Variants in LPP observed in about 807,000 individuals in gnomAD.
LPP encodes LIM domain containing preferred translocation partner in lipoma.
A neutral mutation model predicts 60.4 loss-of-function variants in LPP; 38 were observed. The ratio of observed to expected loss-of-function variants is 0.63; its 90% CI spans 0.49 to 0.83. The LOEUF (loss-of-function observed/expected upper bound fraction) is 0.83, where lower values mean the gene tolerates loss of function less well. LPP is among the 40% of genes least tolerant of loss of function. The pLI, the probability that LPP is intolerant of heterozygous loss-of-function variation, is 0.00. For synonymous variants in LPP, 328 were observed against 290.8 expected, an observed-to-expected ratio of 1.13 and a Z score of -1.30; for missense variants, 902 against 783.6, an observed-to-expected ratio of 1.15 and a Z score of -1.80.
chr3:188,511,321 T>TCTCC (rs1457184744), intron 5 of LPP, among the ~76,000 whole-genome samples: 1 of 87,898 alleles, frequency 1.1e-5, no homozygotes, highest in Non-Finnish European at 2.2e-5. Flanking sequence ...CCCTCCCCTC[T>TCTCC]CTCCCTCCCT....
intron 3 of LPP, among the ~76,000 whole-genome samples, chr3:188,358,254 A>G (rs888150230): frequency 1.3e-5 from 2 of 152,220 alleles, no homozygotes; most frequent in African/African-American, 2.4e-5. Flanking sequence ...AAGCCAGGAT[A>G]TGAACTCAGG....
At chr3:188,294,867 C>G (rs1050607985) in intron 2 of LPP, among the ~76,000 whole-genome samples, 1 of 152,228 alleles carries the variant, frequency 6.6e-6, no homozygotes, top group African/African-American at 2.4e-5. Flanking sequence ...AAGGAACAAG[C>G]TCCCGCTTAG....
intron 9 of LPP, among the ~76,000 whole-genome samples, chr3:188,824,563 G>A (rs911112785): frequency 6.6e-6 from 1 of 151,886 alleles, no homozygotes; most frequent in African/African-American, 2.4e-5. Context: ...GTTTGGGGAT[G>A]GTATCACCTT....
chr3:188,392,842 C>G (rs144380073), intron 3 of LPP, among the ~76,000 whole-genome samples: 1 of 152,046 alleles, frequency 6.6e-6, no homozygotes, highest in Non-Finnish European at 1.5e-5. Context: ...GGCAACTGCA[C>G]GTGGAATTAA....
chr3:188,276,179 C>T (rs992524091), intron 2 of LPP, among the ~76,000 whole-genome samples: 4 of 152,174 alleles, frequency 2.6e-5, no homozygotes, highest in African/African-American at 9.7e-5. Flanking sequence ...CATTTTTGTC[C>T]TGTGTGTAAC....
At chr3:188,578,273 CTTCCT>C (rs947048165) in intron 6 of LPP, among the ~76,000 whole-genome samples, 2 of 151,934 alleles carry the variant, frequency 1.3e-5, no homozygotes, top group Non-Finnish European at 2.9e-5. Context: ...CTTTCCTTCT[CTTCCT>C]TTCCTTTTTT....
intron 2 of LPP, among the ~76,000 whole-genome samples, chr3:188,310,631 C>T (rs920659237): frequency 6.6e-6 from 1 of 152,106 alleles, no homozygotes; most frequent in African/African-American, 2.4e-5. Flanking sequence ...TAGATGGCCT[C>T]CACTGTGAAA....
chr3:188,216,049 T>G (rs1473454240), intron 1 of LPP, among the ~76,000 whole-genome samples: 1 of 152,186 alleles, frequency 6.6e-6, no homozygotes, highest in African/African-American at 2.4e-5. Flanking sequence ...TATCCCTTTC[T>G]CCTTTCTTTG....
intron 5 of LPP, among the ~76,000 whole-genome samples, chr3:188,523,164 C>T (rs1319803898): frequency 6.6e-6 from 1 of 151,978 alleles, no homozygotes; most frequent in Non-Finnish European, 1.5e-5. Flanking sequence ...GCCTTGGCCT[C>T]GAAACCTGCT....
chr3:188,326,792 A>G (rs1758546809), intron 2 of LPP, among the ~76,000 whole-genome samples: 1 of 151,822 alleles, frequency 6.6e-6, no homozygotes, highest in Non-Finnish European at 1.5e-5. Flanking sequence ...AAAATTATAT[A>G]TCATGGAGAT....
intron 9 of LPP, among the ~76,000 whole-genome samples, chr3:188,805,224 A>C (rs918737141): frequency 6.6e-6 from 1 of 151,998 alleles, no homozygotes; most frequent in Non-Finnish European, 1.5e-5. Flanking sequence ...GGAATTGATG[A>C]GTTCCTTCCT....
intron 3 of LPP, among the ~76,000 whole-genome samples, chr3:188,374,614 G>A (rs894757753): frequency 1.2e-4 from 19 of 152,282 alleles, no homozygotes; most frequent in Non-Finnish European, 2.1e-4. Flanking sequence ...GGGCTGAGAT[G>A]ATGGGGTTTT....
At chr3:188,613,472 G>A (rs992240682) in intron 7 of LPP, among the ~76,000 whole-genome samples, 6 of 151,942 alleles carry the variant, frequency 3.9e-5, no homozygotes, top group Admixed American at 6.6e-5. Context: ...ACTCATCTCC[G>A]TCAGCCTCAG....
chr3:188,766,378 C>CAAAAAAAAAAAAAAAA lies in LPP; in HGVS notation c.1410+6106_1410+6107insAAAAAAAAAAAAAAAA, dbSNP rs142374028. ...CTTGAGCATTTGAGGCCTTAAAAAG[C>CAAAAAAAAAAAAAAAA]AAAAAAAAAAGGTTAAAAATATTTA... On this transcript the variant is annotated intron_variant, in intron 9 of 11. Coordinates refer to ENST00000617246, the MANE Select transcript of LPP (RefSeq NM_001375462.1). Among the ~76,000 whole-genome samples, 36 of 124,652 alleles carry CAAAAAAAAAAAAAAAA rather than the reference C, an allele frequency of 2.9e-4. 1 individual carries two copies. Among genetic ancestry groups the CAAAAAAAAAAAAAAAA allele is most frequent in the African/African-American group, 4.0e-4 (14 of 35,112 alleles). The allele number at this position is 124,652 out of a possible 152,430, so 81.8% of individuals were successfully genotyped here.
chr3:188,798,867 T>C (rs996503635), intron 9 of LPP, among the ~76,000 whole-genome samples: 1 of 152,272 alleles, frequency 6.6e-6, no homozygotes, highest in African/African-American at 2.4e-5. Flanking sequence ...TTAAACTTTA[T>C]GAACTCTGTC....
intron 7 of LPP, among the ~76,000 whole-genome samples, chr3:188,676,041 A>G (rs902296804): frequency 1.2e-4 from 19 of 152,190 alleles, no homozygotes; most frequent in African/African-American, 4.6e-4. Flanking sequence ...AAAGATTACT[A>G]GTCTCTAAAT....
intron 1 of LPP, among the ~76,000 whole-genome samples, chr3:188,154,891 C>A (rs977199341): frequency 5.9e-5 from 9 of 152,076 alleles, no homozygotes; most frequent in Non-Finnish European, 1.3e-4. Context: ...AAAGGAAGTT[C>A]CAGGGAGGGG....
intron 3 of LPP, among the ~76,000 whole-genome samples, chr3:188,400,942 T>C (rs193258506): frequency 1.3e-5 from 2 of 152,342 alleles, no homozygotes; most frequent in Admixed American, 1.3e-4. Flanking sequence ...ATTAAACTTG[T>C]GAAGTTTCAT....
intron 6 of LPP, among the ~76,000 whole-genome samples, chr3:188,542,622 G>C (rs1175702685): frequency 1.3e-5 from 2 of 152,276 alleles, no homozygotes; most frequent in African/African-American, 2.4e-5. Flanking sequence ...CATATATTAT[G>C]AATTTTTCTC....
Sources: allele counts gnomAD v4.1 joint callset (sites outside exome capture counted in the v4.1 genomes callset), GRCh38; gene constraint gnomAD v4.1.1; transcripts MANE v1.5; gene names NCBI Gene and HGNC (gene_info 2026-07-23, HGNC 2026-07-21).